Variants in NTRK3 observed in about 807,000 individuals in gnomAD.
The protein encoded by NTRK3 is NT-3 growth factor receptor.
Under a neutral mutation model 91.7 loss-of-function variants are expected in NTRK3, and 24 were observed. The ratio of observed to expected loss-of-function variants is 0.26; its 90% CI spans 0.19 to 0.37. The LOEUF (loss-of-function observed/expected upper bound fraction) is 0.37. Among genes scored for constraint, NTRK3 ranks in the 10% least tolerant of loss-of-function variants. NTRK3 has a pLI of 1.00. For synonymous variants in NTRK3, 483 were observed against 404.0 expected, an observed-to-expected ratio of 1.20 and a Z score of -2.34; for missense variants, 880 against 1,068.9, an observed-to-expected ratio of 0.82 and a Z score of 2.46.
intron 14 of NTRK3, among the ~76,000 whole-genome samples, chr15:87,987,271 T>C (rs917249423): frequency 6.6e-6 from 1 of 152,226 alleles, no homozygotes; most frequent in Non-Finnish European, 1.5e-5. Flanking sequence ...CTATAATCAC[T>C]AAATGGATGA....
chr15:87,871,683 G>A (rs2064831087), exon 19 of NTRK3: 1 of 228,540 alleles, frequency 4.4e-6, no homozygotes, highest in Admixed American at 5.7e-5. Flanking sequence ...ATGTTTCTGA[G>A]GCCAGTTCAT....
intron 5 of NTRK3, among the ~76,000 whole-genome samples, chr15:88,153,265 G>T (rs2043562028): frequency 6.6e-6 from 1 of 151,670 alleles, no homozygotes; most frequent in African/African-American, 2.4e-5. Flanking sequence ...TTTTTGAGAT[G>T]GAGTTTCACT....
chr15:88,079,777 A>G (rs1230822557), intron 13 of NTRK3, among the ~76,000 whole-genome samples: 1 of 152,220 alleles, frequency 6.6e-6, no homozygotes, highest in Non-Finnish European at 1.5e-5. Context: ...AAATTCAAAG[A>G]AGTTTGCATT....
intron 10 of NTRK3, among the ~76,000 whole-genome samples, chr15:88,129,972 C>T (rs900563120): frequency 5.3e-5 from 8 of 152,104 alleles, no homozygotes; most frequent in Admixed American, 2.6e-4. Context: ...GAAATTTGAA[C>T]GTCAACACAC....
chr15:88,176,136 CTTTT>C (rs139583264), intron 5 of NTRK3, among the ~76,000 whole-genome samples: 5 of 116,094 alleles, frequency 4.3e-5, no homozygotes, highest in Non-Finnish European at 6.7e-5. Context: ...TATGCCCCTT[CTTTT>C]TTTTTTTTTT....
At chr15:87,981,138 G>A (rs2141368679) in intron 14 of NTRK3, 1 of 1,546,332 alleles carries the variant, frequency 6.5e-7, no homozygotes, top group South Asian at 1.2e-5. Context: ...ATATATGGAG[G>A]CTTGATGAGT....
chr15:88,115,921 G>GT, intron 13 of NTRK3, among the ~76,000 whole-genome samples: 2 of 152,214 alleles, frequency 1.3e-5, no homozygotes, highest in East Asian at 3.9e-4. Context: ...AGCTTTTCCG[G>GT]TTTTTTATAG....
At chr15:88,026,144 G>A (rs982598831) in intron 14 of NTRK3, among the ~76,000 whole-genome samples, 3 of 151,974 alleles carry the variant, frequency 2.0e-5, no homozygotes, top group Non-Finnish European at 4.4e-5. Flanking sequence ...GGTGGCGGGT[G>A]CCTGTAGTCC....
exon 19 of NTRK3, chr15:87,861,063 A>G (rs923468655): frequency 2.6e-5 from 6 of 226,764 alleles, no homozygotes; most frequent in East Asian, 6.3e-5. Flanking sequence ...AGGTGTGCCC[A>G]GGTATCAGGT....
At position 88,240,823 on chromosome 15, in the gene NTRK3, A is replaced by T. The variant is rs574927035; in HGVS notation, c.248+15083T>A. Among the ~76,000 whole-genome samples the T allele has an allele frequency of 2.0e-5, 3 of 152,242 alleles. No individual in the cohort carries two copies. The highest frequency in any genetic ancestry group is 7.2e-5 in the African/African-American group (3 of 41,466). ...CATTTGCTGTCACTGTGATGAGCTC[A>T]GTTTTCTCTAGAAGATTCCTCCAAC... On this transcript the variant is annotated intron_variant, in intron 3 of 18. Transcript: ENST00000394480. This position sits in a 1 kb window ranked among gnomAD's most constrained non-coding sequence, Gnocchi z 4.9.
At chr15:87,867,184 AG>A in exon 19 of NTRK3, 1 of 225,118 alleles carries the variant, frequency 4.4e-6, no homozygotes, top group Non-Finnish European at 8.9e-6. Flanking sequence ...CACTTGGTCC[AG>A]GGGGCTGGAA....
intron 5 of NTRK3, among the ~76,000 whole-genome samples, chr15:88,170,898 T>A (rs912346412): frequency 4.6e-5 from 7 of 152,102 alleles, no homozygotes; most frequent in Admixed American, 3.9e-4. Context: ...GGTCACCCTA[T>A]CACAGAGACA....
At chr15:87,926,854 T>C (rs1393915269) in intron 17 of NTRK3, 1 of 152,134 alleles carries the variant, frequency 6.6e-6, no homozygotes, top group Non-Finnish European at 1.5e-5. Context: ...AGAAAAACAA[T>C]GAGCCATCCC....
At chr15:87,922,381 C>G (rs2067947589) in intron 17 of NTRK3, among the ~76,000 whole-genome samples, 1 of 152,188 alleles carries the variant, frequency 6.6e-6, no homozygotes, top group South Asian at 2.1e-4. Context: ...CTCAGCTTTG[C>G]TGCACCTCAG....
intron 13 of NTRK3, among the ~76,000 whole-genome samples, chr15:88,084,527 C>T (rs1231672622): frequency 2.0e-5 from 3 of 152,184 alleles, no homozygotes; most frequent in African/African-American, 7.2e-5. Context: ...GGCCCGAAGT[C>T]CCTGGTCTGA....
chr15:88,112,114 G>T (rs58039836), intron 13 of NTRK3, among the ~76,000 whole-genome samples: 1 of 152,044 alleles, frequency 6.6e-6, no homozygotes, highest in Non-Finnish European at 1.5e-5. Flanking sequence ...CACAATGTTA[G>T]CCAGGATGGT....
chr15:87,972,975 T>C (rs771144412), intron 14 of NTRK3, among the ~76,000 whole-genome samples: 7 of 152,170 alleles, frequency 4.6e-5, no homozygotes, highest in Non-Finnish European at 1.0e-4. Context: ...TGTTCCCTTC[T>C]CTCAAAGCAG....
chr15:87,909,147 T>A (rs1386279317), intron 17 of NTRK3, among the ~76,000 whole-genome samples: 1 of 152,130 alleles, frequency 6.6e-6, no homozygotes, highest in Non-Finnish European at 1.5e-5. Flanking sequence ...ACTCACTGAA[T>A]GTCACCACCA....
At chr15:87,958,355 G>C (rs1324668709) in intron 14 of NTRK3, among the ~76,000 whole-genome samples, 1 of 152,128 alleles carries the variant, frequency 6.6e-6, no homozygotes, top group Non-Finnish European at 1.5e-5. Context: ...TCAGGGTGGA[G>C]CTCCAGTGAT....
Sources: allele counts gnomAD v4.1 joint callset (sites outside exome capture counted in the v4.1 genomes callset), GRCh38; gene constraint gnomAD v4.1.1; non-coding constraint Gnocchi (gnomAD v3.1); transcripts MANE v1.5; gene names NCBI Gene and HGNC (gene_info 2026-07-23, HGNC 2026-07-21).